Variants in RBM25 observed in about 807,000 individuals in gnomAD.
RBM25 encodes RNA binding motif protein 25, also known as RNA-binding protein 25.
RBM25 carries 19 observed loss-of-function variants against 120.7 expected under a neutral mutation model. That is an observed-to-expected ratio of 0.16 (90% CI 0.11 to 0.23). RBM25 has a LOEUF of 0.23. Among genes scored for constraint, RBM25 ranks in the 10% least tolerant of loss-of-function variants. The pLI, the probability that RBM25 is intolerant of heterozygous loss-of-function variation, is 1.00. For synonymous variants in RBM25, 390 were observed against 326.7 expected (o/e 1.19, Z -2.09); for missense variants, 605 against 1,041.5 (o/e 0.58, Z 5.77).
At chr14:73,081,096 A>G (rs1895552145) in intron 4 of RBM25, among the ~76,000 whole-genome samples, 1 of 151,794 alleles carries the variant, frequency 6.6e-6, no homozygotes, top group South Asian at 2.1e-4. Flanking sequence ...AAGTGCTGGG[A>G]TTACATGCGT....
intron 14 of RBM25, 30 bp from the exon 15 acceptor site, chr14:73,110,801 T>C: frequency 3.2e-6 from 5 of 1,579,204 alleles, no homozygotes; most frequent in Non-Finnish European, 4.3e-6. Context: ...TGTAGAGTTG[T>C]AGTTAATCAG....
At chr14:73,107,023 T>C (rs1896205096) in intron 12 of RBM25, among the ~76,000 whole-genome samples, 1 of 151,790 alleles carries the variant, frequency 6.6e-6, no homozygotes, top group Admixed American at 6.6e-5. Context: ...GTATTTTTAG[T>C]AGAGACGGAG....
At chr14:73,066,691 T>G (rs2140422467) in intron 1 of RBM25, among the ~76,000 whole-genome samples, 1 of 151,484 alleles carries the variant, frequency 6.6e-6, no homozygotes, top group Admixed American at 6.6e-5. Flanking sequence ...CCTTTACCTA[T>G]AAAGTTTTCT....
rs566165588 is a variant in RBM25 at position 73,087,585 on chromosome 14, C to T, written c.383-416C>T. On this transcript the variant is annotated intron_variant, in intron 5 of 18. Transcript: ENST00000261973. ...TAATTTTTTGTATTTTTAGTAGAGA[C>T]GGGGTTTCACTGTGTTGGCCAGAAT... Among the ~76,000 whole-genome samples the T allele has an allele frequency of 9.9e-5, 15 of 150,794 alleles. No individual in the cohort carries two copies. In the South Asian group the frequency reaches 1.3e-3, roughly 13 times the overall value.
chr14:73,089,080 G>A (rs1895751873), intron 6 of RBM25, among the ~76,000 whole-genome samples: 1 of 152,128 alleles, frequency 6.6e-6, no homozygotes, highest in African/African-American at 2.4e-5. Context: ...GGCGGAGGTT[G>A]CAGTGAGCTG....
intron 1 of RBM25, among the ~76,000 whole-genome samples, chr14:73,066,276 T>C (rs1057313581): frequency 2.0e-5 from 3 of 152,178 alleles, no homozygotes; most frequent in African/African-American, 7.2e-5. Flanking sequence ...TTTTCATTGT[T>C]AATATGTACT....
intron 15 of RBM25, 102 bp downstream of exon 15, chr14:73,111,257 T>A (rs1347687308): frequency 1.9e-6 from 2 of 1,057,910 alleles, no homozygotes; most frequent in African/African-American, 1.6e-5. Context: ...CTTGGTTAGG[T>A]AGATAGAAGA....
At chr14:73,069,094 G>A (rs1313758963) in intron 1 of RBM25, among the ~76,000 whole-genome samples, 1 of 152,000 alleles carries the variant, frequency 6.6e-6, no homozygotes, top group African/African-American at 2.4e-5. Context: ...AGTAGAGATG[G>A]GGTTTCACCA....
At chr14:73,069,734 G>T (rs1194084175) in intron 1 of RBM25, 6 of 87,946 alleles carry the variant, frequency 6.8e-5, no homozygotes, top group African/African-American at 2.5e-4. Context: ...GTGCCTGGCC[G>T]ACCCTGTTTC....
Position 73,103,857 on chromosome 14 carries a change from G to T in RBM25, c.1154+379G>T, listed in dbSNP as rs371980362. ...GCGTGAGTCACTGTGCCCAGCCTGA[G>T]AATTTTTTTAGAGACAACATGGTCT... On this transcript the variant is annotated intron_variant, in intron 10 of 18. Coordinates refer to ENST00000261973, the MANE Select transcript of RBM25 (RefSeq NM_021239.3). Among the ~76,000 whole-genome samples the T allele has an allele frequency of 2.3e-4, 35 of 150,796 alleles. 1 individual carries two copies. In the South Asian group the frequency reaches 7.4e-3, roughly 32 times the overall value.
chr14:73,112,372 A>G (rs1896326437), intron 17 of RBM25, 122 bp downstream of exon 17: 2 of 908,588 alleles, frequency 2.2e-6, no homozygotes, highest in South Asian at 6.0e-5. Context: ...CAGTTAAGTG[A>G]TTTATATCTG....
chr14:73,058,947 C>T (rs1894931017), intron 1 of RBM25: 1 of 152,374 alleles, frequency 6.6e-6, no homozygotes, highest in Non-Finnish European at 1.5e-5. Flanking sequence ...AGCTTTCCGT[C>T]TTGCATTGTC....
At position 73,077,470 on chromosome 14, in the gene RBM25, T is replaced by G. The variant is rs1011024955; in HGVS notation, c.258T>G (p.Thr86=). ...AKENDENCGP[T]TTVFVGNISE... The stretch of plus-strand genomic sequence containing the variant: ...AAAATGATGAAAATTGTGGTCCTAC[T>G]ACCACTGTTTTTGTTGGCAACATTT... Residue 86 remains threonine, a synonymous_variant, in exon 4 of 19, where the codon ACT becomes ACG. Transcript: ENST00000261973. 6.2e-7 allele frequency: 1 copy of G among 1,614,104 alleles called. No homozygotes were observed. Among genetic ancestry groups the G allele is most frequent in the Admixed American group, 1.7e-5 (1 of 60,024 alleles).
intron 2 of RBM25, among the ~76,000 whole-genome samples, chr14:73,074,413 T>C (rs768764978): frequency 5.3e-5 from 8 of 151,962 alleles, no homozygotes; most frequent in Non-Finnish European, 1.2e-4. Context: ...GGCCTTACCA[T>C]AACCATGATG....
At chr14:73,097,628 C>T (rs181521534) in intron 7 of RBM25, among the ~76,000 whole-genome samples, 1 of 152,300 alleles carries the variant, frequency 6.6e-6, no homozygotes, top group Admixed American at 6.5e-5. Context: ...AGCCACTGCG[C>T]CCGGCCCCTA....
intron 12 of RBM25, 29 bp from the exon 13 acceptor site, chr14:73,107,797 T>G (rs1410207260): frequency 6.8e-7 from 1 of 1,479,962 alleles, no homozygotes; most frequent in Non-Finnish European, 9.3e-7. Flanking sequence ...TGTATGTTAA[T>G]TTTATACATT....
intron 15 of RBM25, 184 bp from the exon 16 acceptor site, chr14:73,111,344 G>T: frequency 1.2e-6 from 1 of 859,416 alleles, no homozygotes. Context: ...GCTGCCTCGA[G>T]TTCTGAGAAG....
Position 73,083,556 on chromosome 14 carries a change from G to A in RBM25, c.382+5G>A. ...GTGCTTCCGGAAAGCTTCAAGGTAT[G>A]TCATTTTTTTCCTTATTTGCTGAAA... On this transcript the variant is annotated splice_donor_5th_base_variant and intron_variant, in intron 5 of 18. Transcript: ENST00000261973. The A allele has an allele frequency of 6.4e-7, 1 of 1,567,092 alleles. No individual in the cohort carries two copies.
chr14:73,087,616 C>T (rs1259108015), intron 5 of RBM25, among the ~76,000 whole-genome samples: 3 of 151,382 alleles, frequency 2.0e-5, no homozygotes, highest in Non-Finnish European at 2.9e-5. Flanking sequence ...AGAATGGTCT[C>T]GATCTCCTGA....
Sources: allele counts gnomAD v4.1 joint callset (sites outside exome capture counted in the v4.1 genomes callset), GRCh38; gene constraint gnomAD v4.1.1; transcripts MANE v1.5; gene names NCBI Gene and HGNC (gene_info 2026-07-23, HGNC 2026-07-21).